SNAP47: variants seen among roughly 807,000 people sequenced by gnomAD.
The protein encoded by SNAP47 is synaptosomal-associated protein 47.
SNAP47 carries 20 observed loss-of-function variants against 31.4 expected under a neutral mutation model. The ratio of observed to expected loss-of-function variants is 0.64; its 90% CI spans 0.45 to 0.93. The LOEUF (loss-of-function observed/expected upper bound fraction) is 0.93, where lower values mean the gene tolerates loss of function less well. Ranked by LOEUF, SNAP47 falls within the 40% of genes least tolerant of loss-of-function variation. The pLI is 0.00. For missense variants in SNAP47, 492 were observed against 528.5 expected (o/e 0.93, Z 0.68); for synonymous variants, 194 against 213.4 (o/e 0.91, Z 0.79).
upstream of SNAP47, chr1:227,734,883 G>A: frequency 1.3e-6 from 2 of 1,596,488 alleles, no homozygotes; most frequent in African/African-American, 1.3e-5. Flanking sequence ...CGTCTGCAGA[G>A]GAACTCTCCA....
chr1:227,778,611 C>G (rs1225720541), intron 4 of SNAP47, among the ~76,000 whole-genome samples: 2 of 152,208 alleles, frequency 1.3e-5, no homozygotes, highest in African/African-American at 2.4e-5. Flanking sequence ...CAGCAATGCC[C>G]TCAGGATCAC....
At chr1:227,772,487 C>G (rs940923121) in intron 4 of SNAP47, among the ~76,000 whole-genome samples, 3 of 151,994 alleles carry the variant, frequency 2.0e-5, no homozygotes, top group Non-Finnish European at 2.9e-5. Context: ...ACTGAAAACC[C>G]CTCTGTTGGT....
chr1:227,733,755 G>C, upstream of SNAP47: 1 of 1,592,072 alleles, frequency 6.3e-7, no homozygotes, highest in Non-Finnish European at 8.5e-7. Flanking sequence ...CAGAGGCCTG[G>C]TCCAACTGAA....
chr1:227,749,624 G>T (rs184186829), intron 2 of SNAP47, among the ~76,000 whole-genome samples: 1 of 152,164 alleles, frequency 6.6e-6, no homozygotes, highest in African/African-American at 2.4e-5. Context: ...GCTTTTCAGT[G>T]TCAGGCTGCC....
intron 3 of SNAP47, among the ~76,000 whole-genome samples, chr1:227,761,280 GT>G (rs1341459612): frequency 1.3e-5 from 2 of 152,188 alleles, no homozygotes; most frequent in African/African-American, 4.8e-5. Flanking sequence ...ATGGCTTCAA[GT>G]TTCGGAAAGA....
Position 227,741,520 on chromosome 1 carries a change from C to T in SNAP47, c.-46+6021C>T, listed in dbSNP as rs947612089. Among the ~76,000 whole-genome samples the T allele has an allele frequency of 5.3e-5, 8 of 152,190 alleles. No homozygotes were observed. The highest frequency in any genetic ancestry group is 1.9e-4 in the African/African-American group (8 of 41,436). ...CTTGTGTGTGGCCACTTTCATTCCACCCCAGCAGAGCTGTGTAGTGGTGAC... is the reference window on the plus strand; with the variant it reads ...CTTGTGTGTGGCCACTTTCATTCCATCCCAGCAGAGCTGTGTAGTGGTGAC... On this transcript the variant is annotated intron_variant, in intron 1 of 4. Transcript: ENST00000617596. This position sits in a 1 kb window ranked among gnomAD's most constrained non-coding sequence, Gnocchi z 4.2.
At chr1:227,735,732 T>C (rs1661090868) in intron 1 of SNAP47, 1 of 982,470 alleles carries the variant, frequency 1.0e-6, no homozygotes, top group Non-Finnish European at 1.2e-6. Context: ...GAGAGAACGG[T>C]GGGACCCAGA....
In SNAP47 at chr1:227,762,389, C is replaced by T. The variant is rs1663118692; in HGVS notation, c.988+2904C>T. ...AAGGCGGCGCCCCGTTTGATGGGAGCTCAGTAGTCTGTGGGGCACTTGTGG... is the reference window on the plus strand; with the variant it reads ...AAGGCGGCGCCCCGTTTGATGGGAGTTCAGTAGTCTGTGGGGCACTTGTGG... On this transcript the variant is annotated intron_variant, in intron 3 of 4. Transcript: ENST00000617596. This position sits in a 1 kb window ranked among gnomAD's most constrained non-coding sequence, Gnocchi z 4.2. Among the ~76,000 whole-genome samples, 1 of 152,224 alleles carries T rather than the reference C, an allele frequency of 6.6e-6. No individual in the cohort carries two copies. The highest frequency in any genetic ancestry group is 1.5e-5 in the Non-Finnish European group (1 of 68,036).
At chr1:227,756,200 G>A (rs1662681654) in intron 2 of SNAP47, among the ~76,000 whole-genome samples, 1 of 152,202 alleles carries the variant, frequency 6.6e-6, no homozygotes, top group Non-Finnish European at 1.5e-5. Flanking sequence ...ATCAACAGTG[G>A]TAAAGTAATA....
upstream of SNAP47, chr1:227,734,067 C>G (rs921661232): frequency 4.4e-6 from 7 of 1,601,960 alleles, no homozygotes; most frequent in South Asian, 1.1e-5. Context: ...ACCGACAGCA[C>G]GTGAGGCACG....
chr1:227,748,343 A>G, intron 2 of SNAP47, 110 bp downstream of exon 2: 1 of 1,230,756 alleles, frequency 8.1e-7, no homozygotes, highest in South Asian at 1.6e-5. Context: ...CACATCCAGC[A>G]TTCTGAGATC....
intron 4 of SNAP47, chr1:227,776,216 C>T (rs926684868): frequency 3.5e-5 from 38 of 1,083,160 alleles, no homozygotes; most frequent in Non-Finnish European, 4.1e-5. Flanking sequence ...CTCTAAGCTG[C>T]AGCTTCTCTT....
At chr1:227,758,881 G>T in intron 2 of SNAP47, 114 bp from the exon 3 acceptor site, 2 of 1,299,920 alleles carry the variant, frequency 1.5e-6, no homozygotes, top group Non-Finnish European at 1.0e-6. Flanking sequence ...TGGAAATGAA[G>T]TAGAGTAAAA....
At chr1:227,732,705 A>G, upstream of SNAP47, 1 of 1,608,764 alleles carries the variant, frequency 6.2e-7, no homozygotes, top group Non-Finnish European at 8.5e-7. Flanking sequence ...CCAGTGAGCT[A>G]ACACCATGGA....
intron 2 of SNAP47, among the ~76,000 whole-genome samples, chr1:227,753,543 T>A (rs1048324592): frequency 1.3e-5 from 2 of 152,176 alleles, no homozygotes; most frequent in Non-Finnish European, 2.9e-5. Flanking sequence ...GACACAGACC[T>A]GCCTCCCTGT....
chr1:227,741,752 C>G lies in SNAP47; in HGVS notation c.-45-5940C>G, dbSNP rs184824134. 5.5e-3 allele frequency among the ~76,000 whole-genome samples: 829 copies of G among 152,042 alleles called. 7 individuals carry two copies. The highest frequency in any genetic ancestry group is 0.017 in the Middle Eastern group (5 of 294). ...GGGAATGGCTGGCCGGCGTGGGGGC[C>G]GTGTTCAAGATTGGGCTGCTTCTGA... On this transcript the variant is annotated intron_variant, in intron 1 of 4. Coordinates refer to ENST00000617596, the MANE Select transcript of SNAP47 (RefSeq NM_053052.4). This position sits in a 1 kb window ranked among gnomAD's most constrained non-coding sequence, Gnocchi z 4.2.
At chr1:227,735,555 G>C in intron 1 of SNAP47, 56 bp downstream of exon 1, 1 of 1,353,210 alleles carries the variant, frequency 7.4e-7, no homozygotes, top group South Asian at 1.9e-5. Context: ...CGTAGCGTCC[G>C]CCCTCGGCTC....
upstream of SNAP47, chr1:227,731,253 G>C (rs572795457): frequency 2.0e-5 from 3 of 152,418 alleles, no homozygotes; most frequent in South Asian, 6.2e-4. Flanking sequence ...AGCTGCCTTT[G>C]CAAGCACTTC....
intron 1 of SNAP47, chr1:227,746,902 C>T (rs1038903028): frequency 1.3e-5 from 2 of 152,224 alleles, no homozygotes; most frequent in African/African-American, 4.8e-5. Context: ...GCACAAGGCC[C>T]TCTTGTTTTC....
Sources: allele counts gnomAD v4.1 joint callset (sites outside exome capture counted in the v4.1 genomes callset), GRCh38; gene constraint gnomAD v4.1.1; non-coding constraint Gnocchi (gnomAD v3.1); transcripts MANE v1.5; gene names NCBI Gene and HGNC (gene_info 2026-07-23, HGNC 2026-07-21).